The following RGS17 variants were observed in gnomAD, a reference collection of about 807,000 sequenced individuals.
The protein encoded by RGS17 is regulator of G protein signaling 17, also known as regulator of G-protein signaling 17.
RGS17 carries 12 observed loss-of-function variants against 25.5 expected under a neutral mutation model. The ratio of observed to expected loss-of-function variants is 0.47; its 90% confidence interval spans 0.30 to 0.76. The LOEUF is 0.76. Ranked by LOEUF, RGS17 falls within the 30% of genes least tolerant of loss-of-function variation. RGS17 has a pLI of 0.07. For missense variants in RGS17, 196 were observed against 242.2 expected, an observed-to-expected ratio of 0.81 and a Z score of 1.27; for synonymous variants, 71 against 76.9, an observed-to-expected ratio of 0.92 and a Z score of 0.40.
chr6:153,069,311 G>T (rs1406027529), intron 1 of RGS17, among the ~76,000 whole-genome samples: 1 of 152,148 alleles, frequency 6.6e-6, no homozygotes, highest in East Asian at 1.9e-4. Flanking sequence ...AACATGAATG[G>T]AACTGGAGTT....
chr6:153,014,837 G>A (rs1024916812), intron 4 of RGS17, among the ~76,000 whole-genome samples: 1 of 151,348 alleles, frequency 6.6e-6, no homozygotes, highest in African/African-American at 2.4e-5. Flanking sequence ...TAAAGCTATC[G>A]CCGCCATAGT....
At chr6:153,087,710 GTCTCA>G (rs1037421613) in intron 1 of RGS17, among the ~76,000 whole-genome samples, 3 of 152,134 alleles carry the variant, frequency 2.0e-5, no homozygotes, top group Non-Finnish European at 4.4e-5. Context: ...GGCAGATAAT[GTCTCA>G]TCTCTTCAGT....
intron 1 of RGS17, among the ~76,000 whole-genome samples, chr6:153,109,166 C>T (rs980678298): frequency 3.4e-5 from 4 of 116,548 alleles, no homozygotes; most frequent in African/African-American, 9.7e-5. Flanking sequence ...TGCAGCTAAA[C>T]GCCATTTTTT....
chr6:153,066,310 T>C (rs944298274), intron 1 of RGS17, among the ~76,000 whole-genome samples: 2 of 152,128 alleles, frequency 1.3e-5, no homozygotes, highest in Non-Finnish European at 2.9e-5. Context: ...ATTATAAGAA[T>C]GTAAGTTGGT....
intron 1 of RGS17, among the ~76,000 whole-genome samples, chr6:153,111,344 C>A (rs1309197755): frequency 6.6e-6 from 1 of 152,206 alleles, no homozygotes; most frequent in East Asian, 1.9e-4. Flanking sequence ...ACTGGGCTGA[C>A]CCCACCACAG....
chr6:153,130,899 C>G lies in RGS17; in HGVS notation c.-26+225G>C, dbSNP rs908404185. ...GTCCAGGCAGCGACGCGGGATTCAA[C>G]TTCCCGGACCCGCGGCGCGGCCCCC... On this transcript the variant is annotated intron_variant, in intron 1 of 4. Transcript: ENST00000206262. The surrounding 1 kb of genome is among the most constrained non-coding windows in gnomAD (Gnocchi z 6.4). Among the ~76,000 whole-genome samples the G allele has an allele frequency of 6.6e-6, 1 of 151,918 alleles. No individual in the cohort carries two copies. Among genetic ancestry groups the G allele is most frequent in the African/African-American group, 2.4e-5 (1 of 41,398 alleles).
chr6:153,058,711 C>T (rs1306956939), intron 1 of RGS17, among the ~76,000 whole-genome samples: 1 of 152,134 alleles, frequency 6.6e-6, no homozygotes, highest in African/African-American at 2.4e-5. Flanking sequence ...CGAATTTTTC[C>T]TGTGAGGAAA....
intron 4 of RGS17, among the ~76,000 whole-genome samples, chr6:153,013,292 G>A (rs1779152663): frequency 2.0e-5 from 3 of 152,008 alleles, no homozygotes; most frequent in Non-Finnish European, 2.9e-5. Flanking sequence ...ATTGTTTTAG[G>A]AGGCCATGAA....
At chr6:153,119,586 T>A (rs938631576) in intron 1 of RGS17, among the ~76,000 whole-genome samples, 1 of 152,020 alleles carries the variant, frequency 6.6e-6, no homozygotes. Context: ...ACAGCTACTT[T>A]GGAGGCTGGG....
chr6:153,020,704 T>A (rs1477638099), intron 4 of RGS17, among the ~76,000 whole-genome samples: 1 of 152,160 alleles, frequency 6.6e-6, no homozygotes, highest in Non-Finnish European at 1.5e-5. Context: ...AACAGTAAAA[T>A]CATGACAATT....
intron 1 of RGS17, among the ~76,000 whole-genome samples, chr6:153,072,011 T>C (rs1237401985): frequency 1.3e-5 from 2 of 152,154 alleles, no homozygotes; most frequent in Non-Finnish European, 2.9e-5. Context: ...GAGCTGTCAA[T>C]TGATGTTAAG....
At chr6:153,064,203 G>C (rs886465252) in intron 1 of RGS17, among the ~76,000 whole-genome samples, 1 of 152,178 alleles carries the variant, frequency 6.6e-6, no homozygotes. Flanking sequence ...CTATAACATT[G>C]TAACTGTGGT....
rs753375713 is a variant in RGS17, at chr6:153,043,939, GTGT to G, written c.77_79del (p.Asn26del). 9 of 1,612,046 alleles carry G rather than the reference GTGT, an allele frequency of 5.6e-6. No homozygotes were observed. The highest frequency in any genetic ancestry group is 4.0e-5 in the African/African-American group (3 of 74,730). On this transcript the variant is annotated inframe_deletion, in exon 2 of 5. Coordinates refer to ENST00000206262, the MANE Select transcript of RGS17 (RefSeq NM_012419.5). Reference sequence around the variant, plus strand: ...ACAACAGCACCAACAAAAGCAACAGGTGTTGTTGGGCCTCTGGTTTCCAGGAGC... The same window carrying G: ...ACAACAGCACCAACAAAAGCAACAGGTGTTGGGCCTCTGGTTTCCAGGAGC...
Position 153,011,448 on chromosome 6 carries a change from G to A in RGS17, c.*126C>T, listed in dbSNP as rs1340865643. On this transcript the variant is annotated 3_prime_UTR_variant, in exon 5 of 5. Coordinates refer to ENST00000206262, the MANE Select transcript of RGS17 (RefSeq NM_012419.5). ...TAAAAATGGAGACAAAGACCATAAC[G>A]GTTGTGTTTTCACAGTAGCCTGAGG... The A allele has an allele frequency of 4.6e-6, 3 of 648,052 alleles. No individual in the cohort carries two copies. Among genetic ancestry groups the A allele is most frequent in the Admixed American group, 3.1e-5 (1 of 32,212 alleles). 40.1% of individuals were successfully genotyped at this position (648,052 alleles called of 1,614,324 possible). A position where few individuals can be genotyped will look rare whatever the true frequency, so the allele number is the denominator to read the frequency against.
intron 1 of RGS17, among the ~76,000 whole-genome samples, chr6:153,112,663 C>T (rs964668924): frequency 6.6e-6 from 1 of 152,126 alleles, no homozygotes; most frequent in African/African-American, 2.4e-5. Context: ...ATGTTAAGGG[C>T]AGCCAGAGAA....
rs559067306 is a variant in RGS17 at position 153,044,286 on chromosome 6, G to A, written c.-25-243C>T. Among the ~76,000 whole-genome samples, 25 of 152,286 alleles carry A rather than the reference G, an allele frequency of 1.6e-4. No individual in the cohort carries two copies. In the South Asian group the frequency reaches 4.3e-3, roughly 26 times the overall value. ...AAAATTATAGCAACAAAGTTGCCAC[G>A]TAATCAAGATTGTTGGTAAAGTAAA... On this transcript the variant is annotated intron_variant, in intron 1 of 4. Transcript: ENST00000206262.
At position 153,097,609 on chromosome 6, in the gene RGS17, T is replaced by A. The variant is rs563991048; in HGVS notation, c.-26+33515A>T. Among the ~76,000 whole-genome samples, 5 of 152,030 alleles carry A rather than the reference T, an allele frequency of 3.3e-5. 1 individual carries two copies. In the South Asian group the frequency reaches 1.0e-3, roughly 32 times the overall value. On this transcript the variant is annotated intron_variant, in intron 1 of 4. Coordinates refer to ENST00000206262, the MANE Select transcript of RGS17 (RefSeq NM_012419.5). ...AAGACTTGGGCAACACTGAGAAGAA[T>A]CTCAGTGTTGTAGACTGAATTCATG...
intron 1 of RGS17, among the ~76,000 whole-genome samples, chr6:153,060,614 G>A (rs570320144): frequency 1.3e-5 from 2 of 152,042 alleles, no homozygotes; most frequent in Admixed American, 6.6e-5. Flanking sequence ...AAGTTCCAAC[G>A]AAGCACTGAT....
At chr6:153,074,783 G>T (rs2129117896) in intron 1 of RGS17, among the ~76,000 whole-genome samples, 1 of 152,300 alleles carries the variant, frequency 6.6e-6, no homozygotes, top group East Asian at 1.9e-4. Flanking sequence ...ATATACAACA[G>T]TCCATGGTTG....
Sources: gnomAD v4.1 joint callset for allele counts (sites outside exome capture counted in the v4.1 genomes callset) on GRCh38, gnomAD v4.1.1 for gene constraint, Gnocchi (gnomAD v3.1) non-coding constraint, MANE v1.5 for transcripts, NCBI Gene and HGNC (gene_info 2026-07-23, HGNC 2026-07-21) for gene names.